Variants in ZSWIM6 observed in about 807,000 individuals in gnomAD.
ZSWIM6 encodes zinc finger SWIM domain-containing protein 6.
A neutral mutation model predicts 113.2 loss-of-function variants in ZSWIM6; 9 were observed. That is an observed-to-expected ratio of 0.08 (90% confidence interval 0.05 to 0.14). ZSWIM6 has a LOEUF of 0.14. Ranked by LOEUF, ZSWIM6 falls within the 10% of genes least tolerant of loss-of-function variation. The probability of loss-of-function intolerance (pLI) is 1.00; values close to 1 mark genes in which losing one functional copy is unlikely to be tolerated. For synonymous variants in ZSWIM6, 611 were observed against 606.5 expected, an observed-to-expected ratio of 1.01 and a Z score of -0.11; for missense variants, 1,162 against 1,552.2, an observed-to-expected ratio of 0.75 and a Z score of 4.22.
chr5:61,421,034 C>G (rs1162095064), intron 1 of ZSWIM6, among the ~76,000 whole-genome samples: 1 of 151,844 alleles, frequency 6.6e-6, no homozygotes, highest in Non-Finnish European at 1.5e-5. Context: ...GTGCTCATGT[C>G]TCAGTCTCCG....
intron 1 of ZSWIM6, among the ~76,000 whole-genome samples, chr5:61,467,240 T>C (rs1302153570): frequency 6.6e-6 from 1 of 152,154 alleles, no homozygotes; most frequent in East Asian, 1.9e-4. Context: ...GAAAAAAATA[T>C]CTATATCAAA....
chr5:61,403,576 A>G (rs1745982175), intron 1 of ZSWIM6, among the ~76,000 whole-genome samples: 2 of 152,232 alleles, frequency 1.3e-5, no homozygotes, highest in South Asian at 4.1e-4. Context: ...CATGGAGGCC[A>G]GGGAAGAAGG....
rs571284676 is a variant in ZSWIM6, at chr5:61,389,085, G to A, written c.676+56137G>A. 2.0e-4 allele frequency among the ~76,000 whole-genome samples: 31 copies of A among 152,232 alleles called. 1 individual carries two copies. Among genetic ancestry groups the A allele is most frequent in the Admixed American group, 1.2e-3 (19 of 15,284 alleles). The stretch of plus-strand genomic sequence containing the variant: ...GATGAAAAATGCTGAAAGTTACCAC[G>A]TGCCAGTGGAATTTTGGTTTGTTCT... On this transcript the variant is annotated intron_variant, in intron 1 of 13. Transcript: ENST00000252744.
At chr5:61,368,184 C>G (rs1745199031) in intron 1 of ZSWIM6, among the ~76,000 whole-genome samples, 1 of 152,084 alleles carries the variant, frequency 6.6e-6, no homozygotes, top group Non-Finnish European at 1.5e-5. Flanking sequence ...AGTGAGATTT[C>G]ATGTTTAAAT....
chr5:61,355,478 A>G (rs1744883065), intron 1 of ZSWIM6, among the ~76,000 whole-genome samples: 1 of 133,160 alleles, frequency 7.5e-6, no homozygotes, highest in African/African-American at 2.9e-5. Context: ...ACACACACAC[A>G]CACACACACA....
intron 2 of ZSWIM6, among the ~76,000 whole-genome samples, chr5:61,480,043 G>T (rs984624719): frequency 6.6e-6 from 1 of 151,892 alleles, no homozygotes; most frequent in African/African-American, 2.4e-5. Context: ...TGAGAACTTT[G>T]CACTTAAATA....
Position 61,518,694 on chromosome 5 carries a change from T to C in ZSWIM6, c.1334-2569T>C, listed in dbSNP as rs12655178. 0.011 allele frequency among the ~76,000 whole-genome samples: 1,606 copies of C among 152,120 alleles called. 92 individuals are homozygous for C. The East Asian group carries it at 0.18, about 17-fold the overall frequency. On this transcript the variant is annotated intron_variant, in intron 4 of 13. Transcript: ENST00000252744. The stretch of plus-strand genomic sequence containing the variant: ...TTGTAGATTCTGGATATTAGCCCTT[T>C]GTCAGATGAGTAGGTTGCGAAAATT...
At chr5:61,490,281 CT>C (rs1748144424) in intron 2 of ZSWIM6, among the ~76,000 whole-genome samples, 1 of 152,016 alleles carries the variant, frequency 6.6e-6, no homozygotes. Context: ...CTTGATTTCC[CT>C]TTTTAATCTT....
intron 4 of ZSWIM6, among the ~76,000 whole-genome samples, chr5:61,506,253 A>G (rs1049585977): frequency 8.5e-5 from 13 of 152,294 alleles, no homozygotes; most frequent in East Asian, 1.9e-4. Context: ...AAAAACTGGC[A>G]TATCAAATTT....
At chr5:61,448,467 T>C (rs541573557) in intron 1 of ZSWIM6, among the ~76,000 whole-genome samples, 2 of 152,364 alleles carry the variant, frequency 1.3e-5, no homozygotes, top group South Asian at 2.1e-4. Context: ...TTTTCTTCCC[T>C]GTAACTGGTT....
At chr5:61,534,626 T>C (rs1239572282) in intron 9 of ZSWIM6, among the ~76,000 whole-genome samples, 1 of 152,080 alleles carries the variant, frequency 6.6e-6, no homozygotes, top group Non-Finnish European at 1.5e-5. Context: ...AACCTCAGAG[T>C]ACCTTAGTGC....
At chr5:61,521,210 T>G (rs1487323226) in intron 4 of ZSWIM6, 53 bp from the exon 5 acceptor site, 3 of 1,098,012 alleles carry the variant, frequency 2.7e-6, no homozygotes, top group Non-Finnish European at 3.5e-6. Flanking sequence ...TTGATAAAAT[T>G]GGATGTTTTT....
chr5:61,521,969 G>T (rs1749137981), intron 5 of ZSWIM6, among the ~76,000 whole-genome samples: 1 of 152,054 alleles, frequency 6.6e-6, no homozygotes, highest in South Asian at 2.1e-4. Context: ...TTTTTATTGT[G>T]AGGGGTTGTC....
chr5:61,367,916 G>A (rs1745193140), intron 1 of ZSWIM6, among the ~76,000 whole-genome samples: 1 of 152,086 alleles, frequency 6.6e-6, no homozygotes, highest in Admixed American at 6.6e-5. Context: ...GAGAACAGGA[G>A]TTTGAGACCA....
chr5:61,334,498 C>T (rs1343637764), intron 1 of ZSWIM6, among the ~76,000 whole-genome samples: 2 of 152,148 alleles, frequency 1.3e-5, no homozygotes, highest in Non-Finnish European at 2.9e-5. Context: ...TTCCTTTTAT[C>T]CTTCTTTTCT....
intron 1 of ZSWIM6, among the ~76,000 whole-genome samples, chr5:61,424,727 C>CTT (rs35994591): frequency 1.8e-4 from 24 of 134,718 alleles, no homozygotes; most frequent in Non-Finnish European, 2.9e-4. Flanking sequence ...AATCTTGGCT[C>CTT]TTTTTTTTTT....
In ZSWIM6 at chr5:61,332,999, T is replaced by TG. The variant is rs369791585; in HGVS notation, c.676+61dup. On this transcript the variant is annotated intron_variant, in intron 1 of 13. Coordinates refer to ENST00000252744, the MANE Select transcript of ZSWIM6 (RefSeq NM_020928.2). ...GTCTGTCCGTCCGTCAGTCCCTGGG[T>TG]GGGGGGGGGGTGCCCGCCTTTCTCC... 88,111 of 617,748 alleles carry TG rather than the reference T, an allele frequency of 0.14. 1,492 individuals are homozygous for TG. The highest frequency in any genetic ancestry group is 0.18 in the Admixed American group (1,399 of 7,964). 38.3% of individuals were successfully genotyped at this position (617,748 alleles called of 1,614,324 possible).
intron 1 of ZSWIM6, among the ~76,000 whole-genome samples, chr5:61,359,705 C>T (rs1161114941): frequency 1.3e-5 from 2 of 151,982 alleles, no homozygotes; most frequent in African/African-American, 4.8e-5. Flanking sequence ...TGAAGAGCAA[C>T]AATTGTTAAT....
At chr5:61,500,694 G>A (rs1178574437) in intron 4 of ZSWIM6, among the ~76,000 whole-genome samples, 3 of 152,104 alleles carry the variant, frequency 2.0e-5, no homozygotes, top group Non-Finnish European at 2.9e-5. Flanking sequence ...AGCCAAATAC[G>A]TGCCATTGAC....
Sources: gnomAD v4.1 joint callset for allele counts (sites outside exome capture counted in the v4.1 genomes callset) on GRCh38, gnomAD v4.1.1 for gene constraint, MANE v1.5 for transcripts, NCBI Gene and HGNC (gene_info 2026-07-23, HGNC 2026-07-21) for gene names.